The following CREB3 variants were observed in gnomAD, a reference collection of about 807,000 sequenced individuals.
The protein encoded by CREB3 is cAMP responsive element binding protein 3, also known as cyclic AMP-responsive element-binding protein 3.
A neutral mutation model predicts 34.5 loss-of-function variants in CREB3; 29 were observed. The ratio of observed to expected loss-of-function variants is 0.84; its 90% confidence interval spans 0.63 to 1.15. The LOEUF (loss-of-function observed/expected upper bound fraction) is 1.15. Among genes scored for constraint, CREB3 ranks in the 50% most tolerant of loss-of-function variants. The pLI is 0.00. For missense variants in CREB3, 447 were observed against 443.4 expected (o/e 1.01, Z -0.07); for synonymous variants, 187 against 173.9 (o/e 1.08, Z -0.59).
Position 35,736,794 on chromosome 9 carries a change from C to T in CREB3, c.*68C>T, listed in dbSNP as rs1205622463. ...TCCCCATCTGTGTCCAAATAAAAAG[C>T]GGTGGGCAAGGGCTGGCCGCAGCTC... On this transcript the variant is annotated 3_prime_UTR_variant, in exon 9 of 9. Transcript: ENST00000353704. 13 of 1,448,504 alleles carry T rather than the reference C, an allele frequency of 9.0e-6. No individual in the cohort carries two copies. The highest frequency in any genetic ancestry group is 2.5e-5 in the South Asian group (2 of 79,796). 89.7% of individuals were successfully genotyped at this position (1,448,504 alleles called of 1,614,324 possible).
chr9:35,736,333 C>T (rs756223890), intron 8 of CREB3, 22 bp downstream of exon 8: 1 of 1,613,764 alleles, frequency 6.2e-7, no homozygotes, highest in Non-Finnish European at 8.5e-7. Flanking sequence ...AAGGATAGCT[C>T]TCAGACAGGG....
intron 4 of CREB3, among the ~76,000 whole-genome samples, chr9:35,733,866 A>G (rs370818182): frequency 9.1e-4 from 138 of 152,304 alleles, no homozygotes; most frequent in African/African-American, 3.3e-3. Flanking sequence ...CAGTACATGA[A>G]TAAATGTAAA....
At position 35,733,409 on chromosome 9, in the gene CREB3, T is replaced by C. The variant is rs138981526; in HGVS notation, c.359T>C (p.Leu120Pro). The C allele has an allele frequency of 2.9e-4, 466 of 1,613,808 alleles. No individual in the cohort carries two copies. The highest frequency in any genetic ancestry group is 2.5e-3 in the Middle Eastern group (15 of 6,060). ...TTGTTACCCTAGGAGATTGCTAGGCTAGTACTGACAGATGAGGAGAAGAGT... is the reference window on the plus strand; with the variant it reads ...TTGTTACCCTAGGAGATTGCTAGGCCAGTACTGACAGATGAGGAGAAGAGT... Reference protein sequence around the residue: ...EELAEQEIARLVLTDEEKSLL... With the variant: ...EELAEQEIARPVLTDEEKSLL... Residue 120 changes from leucine to proline, a missense_variant, in exon 4 of 9, where the codon CTA (leucine) becomes CCA (proline). By Grantham distance (98) the Leu-to-Pro change is moderately conservative. Coordinates refer to ENST00000353704, the MANE Select transcript of CREB3 (RefSeq NM_006368.5).
Position 35,736,635 on chromosome 9 carries a change from T to C in CREB3, c.1025T>C (p.Ile342Thr), listed in dbSNP as rs1587999682. The change falls in exon 9 of 9, where the codon ATC becomes ACC. Residue 342 changes from isoleucine (I) to threonine (T), a missense_variant. By Grantham distance (89) the Ile-to-Thr change is moderately conservative. Coordinates refer to ENST00000353704, the MANE Select transcript of CREB3 (RefSeq NM_006368.5). The part of the protein sequence containing the change: ...LFSEPLCRGP[I>T]LPLQANLTRK... ...TCAGAGCCTCTCTGCCGAGGTCCCA[T>C]CCTCCCCCTGCAGGCAAATCTCACA... 6.2e-7 allele frequency: 1 copy of C among 1,613,746 alleles called. No homozygotes were observed. Among genetic ancestry groups the C allele is most frequent in the Non-Finnish European group, 8.5e-7 (1 of 1,180,006 alleles).
At position 35,735,163 on chromosome 9, in the gene CREB3, G is replaced by C. The variant is rs1420832193; in HGVS notation, c.490G>C (p.Ala164Pro). The change falls in exon 5 of 9, where the codon GCT becomes CCT. Residue 164 changes from alanine (A) to proline (P), a missense_variant. Transcript: ENST00000353704. ...VRRKIRNKRS[A>P]QESRRKKKVY... The stretch of plus-strand genomic sequence containing the variant: ...GAGGAAGATTCGAAATAAAAGATCT[G>C]CTCAAGAGAGCCGCAGGAAAAAGAA... 1 of 1,603,366 alleles carries C rather than the reference G, an allele frequency of 6.2e-7. No individual in the cohort carries two copies. Among genetic ancestry groups the C allele is most frequent in the South Asian group, 1.1e-5 (1 of 88,636 alleles).
chr9:35,733,987 A>T (rs960750837), intron 4 of CREB3, among the ~76,000 whole-genome samples: 6 of 152,050 alleles, frequency 3.9e-5, no homozygotes, highest in Non-Finnish European at 5.9e-5. Flanking sequence ...ATATATATAT[A>T]TTTTTTGACA....
In CREB3 at chr9:35,732,911, G is replaced by A. The variant is rs904883597; in HGVS notation, c.129+10G>A. ...GCTGCCGCTTTCTGAGGTAGGTTGG[G>A]GTTCTGACTGGGGAAAGCGTGGGAT... On this transcript the variant is annotated intron_variant, in intron 1 of 8. Coordinates refer to ENST00000353704, the MANE Select transcript of CREB3 (RefSeq NM_006368.5). The surrounding 1 kb of genome is among the most constrained non-coding windows in gnomAD (Gnocchi z 5.1). The A allele has an allele frequency of 6.2e-7, 1 of 1,613,472 alleles. No individual in the cohort carries two copies. The highest frequency in any genetic ancestry group is 8.5e-7 in the Non-Finnish European group (1 of 1,179,606).
rs1587996205 is a variant in CREB3 at position 35,733,350 on chromosome 9, C to T, written c.346-46C>T. 2.5e-6 allele frequency: 4 copies of T among 1,608,888 alleles called. No individual in the cohort carries two copies. The East Asian group carries it at 6.7e-5, about 27-fold the overall frequency. On this transcript the variant is annotated intron_variant, in intron 3 of 8. Coordinates refer to ENST00000353704, the MANE Select transcript of CREB3 (RefSeq NM_006368.5). Reference sequence around the variant, plus strand: ...GGTGGGGGCAGGATTCCCCATTCCTCTCTGACATCCCCATGCAACTGCCGT... The same window carrying T: ...GGTGGGGGCAGGATTCCCCATTCCTTTCTGACATCCCCATGCAACTGCCGT...
At position 35,736,801 on chromosome 9, in the gene CREB3, C is replaced by T. The variant is rs772902266; in HGVS notation, c.*75C>T. ...CTGTGTCCAAATAAAAAGCGGTGGGCAAGGGCTGGCCGCAGCTCCTGTGCC... is the reference window on the plus strand; with the variant it reads ...CTGTGTCCAAATAAAAAGCGGTGGGTAAGGGCTGGCCGCAGCTCCTGTGCC... On this transcript the variant is annotated 3_prime_UTR_variant, in exon 9 of 9. Transcript: ENST00000353704. 214 of 1,372,650 alleles carry T rather than the reference C, an allele frequency of 1.6e-4. No homozygotes were observed. The Middle Eastern group carries it at 3.3e-3, about 21-fold the overall frequency. The allele number at this position is 1,372,650 out of a possible 1,614,324, so 85.0% of individuals were successfully genotyped here.
rs771918577 is a variant in CREB3 at position 35,736,626 on chromosome 9, G to T, written c.1016G>T (p.Arg339Leu). ...FPDLFSEPLC[R>L]GPILPLQANL... ...GACCTCTTCTCAGAGCCTCTCTGCC[G>T]AGGTCCCATCCTCCCCCTGCAGGCA... Residue 339 changes from arginine to leucine, a missense_variant, in exon 9 of 9, where the codon CGA becomes CTA. Physicochemically the swap from Arg to Leu is moderately radical, Grantham distance 102. Transcript: ENST00000353704. 16 of 1,613,704 alleles carry T rather than the reference G, an allele frequency of 9.9e-6. No individual in the cohort carries two copies. The highest frequency in any genetic ancestry group is 1.3e-5 in the Non-Finnish European group (15 of 1,180,024).
At chr9:35,735,461 C>A in intron 6 of CREB3, 87 bp downstream of exon 6, 1 of 1,208,772 alleles carries the variant, frequency 8.3e-7, no homozygotes, top group Non-Finnish European at 1.2e-6. Context: ...TGATTTCTAA[C>A]TGGGCAGCTG....
chr9:35,736,405 G>A lies in CREB3; in HGVS notation c.795G>A (p.Gln265=). The A allele has an allele frequency of 6.2e-7, 1 of 1,613,938 alleles. No homozygotes were observed. Among genetic ancestry groups the A allele is most frequent in the Non-Finnish European group, 8.5e-7 (1 of 1,179,996 alleles). Reference sequence around the variant, plus strand: ...TTGTCTCCTCAGTGTTGTCCCGCCAGCTTCGTGCCCTCCCCAGTGAGGACC... The same window carrying A: ...TTGTCTCCTCAGTGTTGTCCCGCCAACTTCGTGCCCTCCCCAGTGAGGACC... The part of the protein sequence containing the change: ...LPAEHGVLSR[Q]LRALPSEDPY... The change falls in exon 9 of 9, where the codon CAG becomes CAA. Residue 265 remains glutamine, a synonymous_variant. Coordinates refer to ENST00000353704, the MANE Select transcript of CREB3 (RefSeq NM_006368.5).
chr9:35,736,741 G>A lies in CREB3; in HGVS notation c.*15G>A. 1 of 1,586,910 alleles carries A rather than the reference G, an allele frequency of 6.3e-7. No individual in the cohort carries two copies. Among genetic ancestry groups the A allele is most frequent in the Non-Finnish European group, 8.6e-7 (1 of 1,168,402 alleles). On this transcript the variant is annotated 3_prime_UTR_variant, in exon 9 of 9. Coordinates refer to ENST00000353704, the MANE Select transcript of CREB3 (RefSeq NM_006368.5). ...ACTCAGGCTAGATATGAGGATATGTGGGGGGTCTCAGCAGGAGCCTGGGGG... is the reference window on the plus strand; with the variant it reads ...ACTCAGGCTAGATATGAGGATATGTAGGGGGTCTCAGCAGGAGCCTGGGGG...
chr9:35,736,078 G>T lies in CREB3; in HGVS notation c.642G>T (p.Gln214His). 1.2e-6 allele frequency: 2 copies of T among 1,614,090 alleles called. No homozygotes were observed. The highest frequency in any genetic ancestry group is 1.1e-5 in the South Asian group (1 of 91,078). The change falls in exon 7 of 9, where the codon CAG becomes CAT. Residue 214 changes from glutamine (Q) to histidine (H), a missense_variant. Transcript: ENST00000353704. ...LSLLDQLRKL[Q>H]AMVIEISNKT... ...TTCTAGATCAACTGAGGAAACTCCA[G>T]GCCATGGTGATTGAGATATCAAACA...
chr9:35,733,374 G>A (rs373848036), intron 3 of CREB3, 22 bp from the exon 4 acceptor site: 4 of 1,610,568 alleles, frequency 2.5e-6, no homozygotes, highest in South Asian at 2.2e-5. Flanking sequence ...TGCAACTGCC[G>A]TCCACTTTCT....
chr9:35,735,197 T>G lies in CREB3; in HGVS notation c.524T>G (p.Val175Gly), dbSNP rs775750136. ...AGCCGCAGGAAAAAGAAGGTGTATG[T>G]TGGGGGTTTAGAGAGCAGGTATGAA... is the stretch of plus-strand genomic sequence containing the variant. Reference protein sequence around the residue: ...QESRRKKKVYVGGLESRVLKY... With the variant: ...QESRRKKKVYGGGLESRVLKY... The change falls in exon 5 of 9, where the codon GTT becomes GGT. Residue 175 changes from valine (V) to glycine (G), a missense_variant. Transcript: ENST00000353704. The G allele has an allele frequency of 1.9e-6, 3 of 1,609,828 alleles. No individual in the cohort carries two copies. Among genetic ancestry groups the G allele is most frequent in the Non-Finnish European group, 2.5e-6 (3 of 1,178,966 alleles).
intron 6 of CREB3, 92 bp downstream of exon 6, chr9:35,735,466 C>A (rs1241762572): frequency 2.6e-6 from 3 of 1,139,678 alleles, no homozygotes; most frequent in Non-Finnish European, 4.0e-6. Flanking sequence ...TCTAACTGGG[C>A]AGCTGCCTTC....
rs1407151857 is a variant in CREB3, at chr9:35,736,325, G to C, written c.781+14G>C. 1.5e-5 allele frequency: 24 copies of C among 1,613,856 alleles called. 2 individuals carry two copies. In the South Asian group the frequency reaches 2.6e-4, roughly 18 times the overall value. ...CTGAGCATGGAGGTAAGAGGCTTAA[G>C]GATAGCTCTCAGACAGGGCAAGGGG... On this transcript the variant is annotated intron_variant, in intron 8 of 8. Coordinates refer to ENST00000353704, the MANE Select transcript of CREB3 (RefSeq NM_006368.5).
Position 35,736,765 on chromosome 9 carries a change from G to A in CREB3, c.*39G>A, listed in dbSNP as rs761107815. The A allele has an allele frequency of 2.0e-6, 3 of 1,536,264 alleles. No individual in the cohort carries two copies. The highest frequency in any genetic ancestry group is 1.4e-5 in the African/African-American group (1 of 73,544). On this transcript the variant is annotated 3_prime_UTR_variant, in exon 9 of 9. Transcript: ENST00000353704. ...TGGGGGGTCTCAGCAGGAGCCTGGGGGGCTCCCCATCTGTGTCCAAATAAA... is the reference window on the plus strand; with the variant it reads ...TGGGGGGTCTCAGCAGGAGCCTGGGAGGCTCCCCATCTGTGTCCAAATAAA...
Sources: gnomAD v4.1 joint callset for allele counts (sites outside exome capture counted in the v4.1 genomes callset) on GRCh38, gnomAD v4.1.1 for gene constraint, Gnocchi (gnomAD v3.1) non-coding constraint, MANE v1.5 for transcripts, NCBI Gene and HGNC (gene_info 2026-07-23, HGNC 2026-07-21) for gene names.